Variants in FAH observed in about 807,000 individuals in gnomAD.
The protein encoded by FAH is fumarylacetoacetate hydrolase.
In FAH, 47 loss-of-function variants were observed where a neutral mutation model predicts 55.8. That is an observed-to-expected ratio of 0.84 (90% CI 0.67 to 1.07). FAH has a LOEUF of 1.07. Among genes scored for constraint, FAH ranks in the 50% least tolerant of loss-of-function variants. The pLI is 0.00. For missense variants in FAH, 495 were observed against 545.9 expected (o/e 0.91, Z 0.93); for synonymous variants, 199 against 207.7 (o/e 0.96, Z 0.36).
At chr15:80,159,620 A>G (rs964486171) in intron 2 of FAH, 136 bp from the exon 3 acceptor site, 2 of 1,014,178 alleles carry the variant, frequency 2.0e-6, no homozygotes, top group East Asian at 4.8e-5. Flanking sequence ...CAAAACTAAG[A>G]GCAGAGGTCC....
chr15:80,173,171 C>T (rs751432965), intron 9 of FAH, 27 bp downstream of exon 9: 1 of 1,614,180 alleles, frequency 6.2e-7, no homozygotes, highest in Non-Finnish European at 8.5e-7. Flanking sequence ...CAGGAAGCTC[C>T]CAAACCCAGC....
rs2041316054 is a variant in FAH at position 80,180,052 on chromosome 15, G to C, written c.961-72G>C. ...AAGGCGGTCGTGAGCAGGGCAGGCTGTGCCCAGCTGCCTCCGGGATGCTAG... is the reference window on the plus strand; with the variant it reads ...AAGGCGGTCGTGAGCAGGGCAGGCTCTGCCCAGCTGCCTCCGGGATGCTAG... On this transcript the variant is annotated intron_variant, in intron 11 of 13. Coordinates refer to ENST00000561421, the MANE Select transcript of FAH (RefSeq NM_000137.4). 6 of 1,189,406 alleles carry C rather than the reference G, an allele frequency of 5.0e-6. No individual in the cohort carries two copies. The Admixed American group carries it at 1.1e-4, about 21-fold the overall frequency. The allele number at this position is 1,189,406 out of a possible 1,614,324, so 73.7% of individuals were successfully genotyped here. A position where few individuals can be genotyped will look rare whatever the true frequency, so the allele number is the denominator to read the frequency against.
intron 11 of FAH, among the ~76,000 whole-genome samples, chr15:80,178,094 G>A (rs2041299067): frequency 1.3e-5 from 2 of 152,138 alleles, no homozygotes; most frequent in African/African-American, 2.4e-5. Context: ...CGGCTACTTG[G>A]GAGGCTAAGG....
rs1244652432 is a variant in FAH, at chr15:80,168,066, T to C, written c.470T>C (p.Val157Ala). 5 of 1,614,116 alleles carry C rather than the reference T, an allele frequency of 3.1e-6. No homozygotes were observed. Among genetic ancestry groups the C allele is most frequent in the Non-Finnish European group, 4.2e-6 (5 of 1,179,986 alleles). The change falls in exon 6 of 14, where the codon GTG becomes GCG. Residue 157 changes from valine to alanine, a missense_variant. Val to Ala is a moderately conservative substitution (Grantham distance 64). Coordinates refer to ENST00000561421, the MANE Select transcript of FAH (RefSeq NM_000137.4). Reference protein sequence around the residue: ...ALMPNWLHLPVGYHGRASSVV... With the variant: ...ALMPNWLHLPAGYHGRASSVV... ...TCCTTTCTCAGGCTGCACTTACCAG[T>C]GGGCTACCATGGCCGTGCCTCCTCT...
At chr15:80,160,636 C>A in intron 4 of FAH, 177 bp downstream of exon 4, 1 of 708,238 alleles carries the variant, frequency 1.4e-6, no homozygotes, top group Non-Finnish European at 2.6e-6. Flanking sequence ...CATCCAGGCC[C>A]GGCATTCACT....
At chr15:80,186,550 G>T (rs2041373230), downstream of FAH, 1 of 387,792 alleles carries the variant, frequency 2.6e-6, no homozygotes, top group Admixed American at 3.8e-5. Context: ...TAGTAGTCAG[G>T]GCTCTCCAGA....
At chr15:80,160,527 C>T (rs2041139774) in intron 4 of FAH, 68 bp downstream of exon 4, 1 of 1,509,078 alleles carries the variant, frequency 6.6e-7, no homozygotes, top group African/African-American at 1.4e-5. Flanking sequence ...TGGCCAGGTG[C>T]TTTGGTTCTG....
rs77412812 is a variant in FAH at position 80,162,146 on chromosome 15, C to T, written c.365-100C>T. ...GCAGGCTGAGCTCTGGATGTGTAAA[C>T]AGTATTGTGTGCACACTCGTGGCTC... On this transcript the variant is annotated intron_variant, in intron 4 of 13. Transcript: ENST00000561421. 3.8e-3 allele frequency: 3,351 copies of T among 876,510 alleles called. 19 individuals carry two copies. The highest frequency in any genetic ancestry group is 0.012 in the Middle Eastern group (47 of 3,766). 54.3% of individuals were successfully genotyped at this position (876,510 alleles called of 1,614,324 possible). A position where few individuals can be genotyped will look rare whatever the true frequency, so the allele number is the denominator to read the frequency against.
intron 1 of FAH, among the ~76,000 whole-genome samples, chr15:80,155,306 T>G (rs1279429862): frequency 6.6e-6 from 1 of 152,188 alleles, no homozygotes; most frequent in East Asian, 1.9e-4. Context: ...TCTCTAAATC[T>G]TTGTGGCATG....
intron 10 of FAH, among the ~76,000 whole-genome samples, chr15:80,176,904 G>A (rs751127508): frequency 6.6e-5 from 10 of 152,200 alleles, no homozygotes; most frequent in Non-Finnish European, 1.2e-4. Flanking sequence ...CCCAGACCTC[G>A]CATGGCTGAA....
chr15:80,162,471 T>C (rs923075997), intron 5 of FAH, 135 bp downstream of exon 5: 8 of 770,998 alleles, frequency 1.0e-5, no homozygotes, highest in Non-Finnish European at 1.8e-5. Context: ...TTGCAACCTC[T>C]GGAAGCAGTG....
At chr15:80,184,684 C>A (rs941160486) in intron 13 of FAH, among the ~76,000 whole-genome samples, 1 of 152,122 alleles carries the variant, frequency 6.6e-6, no homozygotes, top group South Asian at 2.1e-4. Flanking sequence ...TTGCTCTCGA[C>A]AAAGGGCATC....
At chr15:80,173,717 A>C in intron 9 of FAH, 2 of 206,720 alleles carry the variant, frequency 9.7e-6, no homozygotes, top group East Asian at 1.2e-4. Flanking sequence ...CAGTGTCATG[A>C]CCTTGTGTCC....
intron 4 of FAH, 105 bp downstream of exon 4, chr15:80,160,564 G>T (rs759021556): frequency 2.8e-6 from 3 of 1,082,692 alleles, no homozygotes; most frequent in Non-Finnish European, 4.3e-6. Context: ...CCCTGCTGGT[G>T]GGGGGAGATG....
chr15:80,171,069 T>A (rs1394433679), intron 7 of FAH, among the ~76,000 whole-genome samples: 3 of 151,640 alleles, frequency 2.0e-5, no homozygotes, highest in African/African-American at 7.2e-5. Flanking sequence ...AAAAAATTTA[T>A]TTTTTATTTT....
chr15:80,186,548 A>C (rs2041373213), downstream of FAH: 1 of 389,728 alleles, frequency 2.6e-6, no homozygotes, highest in African/African-American at 2.1e-5. Context: ...TGTAGTAGTC[A>C]GGGCTCTCCA....
chr15:80,153,015 C>CG lies in FAH; in HGVS notation c.-39dup. ...GCCGAGTTCAGTCCTGCTCTCCGCACGCCACCTTAGGCCCGCAGCCGTGCC... is the reference window on the plus strand; with the variant it reads ...GCCGAGTTCAGTCCTGCTCTCCGCACGGCCACCTTAGGCCCGCAGCCGTGCC... On this transcript the variant is annotated 5_prime_UTR_variant, in exon 1 of 14. Transcript: ENST00000561421. 3.2e-6 allele frequency: 5 copies of CG among 1,584,426 alleles called. No homozygotes were observed. The highest frequency in any genetic ancestry group is 2.6e-6 in the Non-Finnish European group (3 of 1,157,882).
At chr15:80,182,891 A>G (rs1427644010) in intron 13 of FAH, among the ~76,000 whole-genome samples, 1 of 152,230 alleles carries the variant, frequency 6.6e-6, no homozygotes, top group Non-Finnish European at 1.5e-5. Flanking sequence ...AAAGGAAGGA[A>G]AGAGATGGTG....
chr15:80,185,018 C>G (rs2041359055), intron 13 of FAH, among the ~76,000 whole-genome samples: 1 of 152,314 alleles, frequency 6.6e-6, no homozygotes, highest in African/African-American at 2.4e-5. Context: ...AGATGGGCTT[C>G]TCTCTGCTTT....
Sources: allele counts gnomAD v4.1 joint callset (sites outside exome capture counted in the v4.1 genomes callset), GRCh38; gene constraint gnomAD v4.1.1; transcripts MANE v1.5; gene names NCBI Gene and HGNC (gene_info 2026-07-23, HGNC 2026-07-21).